The following CEP89 variants were observed in gnomAD, a reference collection of about 807,000 sequenced individuals.
The protein encoded by CEP89 is centrosomal protein 89.
CEP89 carries 95 observed loss-of-function variants against 97.6 expected under a neutral mutation model. The observed-to-expected ratio is 0.97, with a 90% confidence interval of 0.82 to 1.15. CEP89 has a LOEUF of 1.15. CEP89 is among the 50% of genes most tolerant of loss of function. The pLI is 0.00. For synonymous variants in CEP89, 354 were observed against 349.1 expected (o/e 1.01, Z -0.16); for missense variants, 869 against 947.7 (o/e 0.92, Z 1.09).
chr19:32,922,452 A>G (rs1970269273), intron 12 of CEP89, among the ~76,000 whole-genome samples: 1 of 152,148 alleles, frequency 6.6e-6, no homozygotes, highest in Non-Finnish European at 1.5e-5. Flanking sequence ...CTGAGGTGGG[A>G]GGATGGCTTT....
chr19:32,904,549 G>T (rs932872940), intron 14 of CEP89, among the ~76,000 whole-genome samples: 1 of 151,100 alleles, frequency 6.6e-6, no homozygotes, highest in Admixed American at 6.6e-5. Flanking sequence ...TTCTCATGAT[G>T]ATAGCCTATC....
At chr19:32,958,314 C>T (rs1015317841) in intron 3 of CEP89, among the ~76,000 whole-genome samples, 2 of 151,860 alleles carry the variant, frequency 1.3e-5, no homozygotes, top group Admixed American at 1.3e-4. Flanking sequence ...ACTAAATTTA[C>T]AATTATTACA....
chr19:32,903,072 T>A (rs895740608), intron 14 of CEP89, among the ~76,000 whole-genome samples: 1 of 152,026 alleles, frequency 6.6e-6, no homozygotes, highest in African/African-American at 2.4e-5. Flanking sequence ...CCACATGCGG[T>A]GGCTCACACC....
At position 32,936,605 on chromosome 19, in the gene CEP89, G is replaced by A. The variant is rs1354643366; in HGVS notation, c.667+1026C>T. Among the ~76,000 whole-genome samples, 1 of 152,134 alleles carries A rather than the reference G, an allele frequency of 6.6e-6. No homozygotes were observed. The highest frequency in any genetic ancestry group is 2.1e-4 in the South Asian group (1 of 4,830). ...CGGTGCGCACTTCCTCCCTTCTGAGGCCCATAAAAGCCCTGGGCTTAGTTG... is the reference window on the plus strand; with the variant it reads ...CGGTGCGCACTTCCTCCCTTCTGAGACCCATAAAAGCCCTGGGCTTAGTTG... On this transcript the variant is annotated intron_variant, in intron 7 of 18. Coordinates refer to ENST00000305768, the MANE Select transcript of CEP89 (RefSeq NM_032816.5). This position sits in a 1 kb window ranked among gnomAD's most constrained non-coding sequence, Gnocchi z 4.5.
At chr19:32,947,485 C>A (rs1285662467) in intron 5 of CEP89, among the ~76,000 whole-genome samples, 1 of 152,018 alleles carries the variant, frequency 6.6e-6, no homozygotes, top group Non-Finnish European at 1.5e-5. Context: ...CAATTGACTG[C>A]AGAATAACTT....
chr19:32,891,243 A>G (rs1291402458), intron 16 of CEP89, among the ~76,000 whole-genome samples: 1 of 152,152 alleles, frequency 6.6e-6, no homozygotes, highest in Non-Finnish European at 1.5e-5. Context: ...CAATGCCTCC[A>G]TTGCCAAAGC....
intron 5 of CEP89, 30 bp from the exon 6 acceptor site, chr19:32,939,915 T>C (rs2098150710): frequency 2.8e-6 from 3 of 1,059,180 alleles, no homozygotes; most frequent in Non-Finnish European, 4.3e-6. Flanking sequence ...AGAGATAAAC[T>C]TTTAAAGTAG....
chr19:32,948,279 C>G lies in CEP89; in HGVS notation c.582G>C (p.Arg194=). 8.2e-6 allele frequency: 13 copies of G among 1,593,974 alleles called. No homozygotes were observed. The highest frequency in any genetic ancestry group is 1.1e-5 in the Non-Finnish European group (13 of 1,167,930). ...GFPGSPPAPQ[R]TQQKDGKHPV... is the part of the protein sequence containing the mutation. ...TTTTTTTTCTACCTTTTTGTTGTGTCCGCTGTGGTGCAGGAGGGGAGCCTG... is the reference window on the plus strand; with the variant it reads ...TTTTTTTTCTACCTTTTTGTTGTGTGCGCTGTGGTGCAGGAGGGGAGCCTG... Residue 194 remains arginine, a synonymous_variant, in exon 5 of 19, where the codon CGG becomes CGC. Transcript: ENST00000305768.
At chr19:32,902,569 G>C (rs1018079730) in intron 14 of CEP89, among the ~76,000 whole-genome samples, 8 of 152,172 alleles carry the variant, frequency 5.3e-5, no homozygotes, top group Admixed American at 5.2e-4. Context: ...TCGGACTTTG[G>C]ACAACAGGCG....
Position 32,900,002 on chromosome 19 carries a change from G to T in CEP89, c.1734-4C>A, listed in dbSNP as rs772525877. On this transcript the variant is annotated splice_region_variant and splice_polypyrimidine_tract_variant and intron_variant, in intron 15 of 18. Coordinates refer to ENST00000305768, the MANE Select transcript of CEP89 (RefSeq NM_032816.5). The stretch of plus-strand genomic sequence containing the variant: ...CTCAATTTTCTTTTGAGATTTCCTA[G>T]AGAGTTACCCCAAATGGTAGAATAA... The T allele has an allele frequency of 6.2e-7, 1 of 1,613,906 alleles. No homozygotes were observed. Among genetic ancestry groups the T allele is most frequent in the Non-Finnish European group, 8.5e-7 (1 of 1,179,894 alleles).
At chr19:32,971,401 G>C in intron 1 of CEP89, 1 of 431,198 alleles carries the variant, frequency 2.3e-6, no homozygotes, top group South Asian at 7.0e-5. Flanking sequence ...TGTTAACGCC[G>C]GGCACAGTGG....
At chr19:32,884,386 C>CA (rs758165595) in intron 17 of CEP89, among the ~76,000 whole-genome samples, 23 of 151,902 alleles carry the variant, frequency 1.5e-4, no homozygotes, top group Non-Finnish European at 2.8e-4. Context: ...TGAGCCAATC[C>CA]AAAAAATATT....
intron 14 of CEP89, among the ~76,000 whole-genome samples, chr19:32,904,641 G>C (rs1249412333): frequency 2.0e-5 from 3 of 148,112 alleles, no homozygotes; most frequent in Non-Finnish European, 4.4e-5. Context: ...CACCAGGCTG[G>C]AATGCAGTGG....
chr19:32,900,949 G>T (rs899476057), intron 15 of CEP89, among the ~76,000 whole-genome samples: 1 of 147,702 alleles, frequency 6.8e-6, no homozygotes, highest in Non-Finnish European at 1.5e-5. Context: ...GCAGTGGCGT[G>T]ATCTCGGCTC....
intron 12 of CEP89, among the ~76,000 whole-genome samples, chr19:32,918,843 G>T (rs1970185126): frequency 6.6e-6 from 1 of 151,172 alleles, no homozygotes. Flanking sequence ...CTGTTAGCAG[G>T]CTTTGAAATG....
chr19:32,895,304 G>A (rs1000704699), intron 16 of CEP89, among the ~76,000 whole-genome samples: 25 of 152,158 alleles, frequency 1.6e-4, no homozygotes, highest in Admixed American at 1.3e-3. Flanking sequence ...GAGATGCAAA[G>A]ACAGTTCAAC....
At chr19:32,899,777 G>A in intron 16 of CEP89, 80 bp downstream of exon 16, 1 of 1,420,040 alleles carries the variant, frequency 7.0e-7, no homozygotes, top group Non-Finnish European at 9.8e-7. Flanking sequence ...GCTTTTAATA[G>A]ATCATTTTTT....
Position 32,945,876 on chromosome 19 carries a change from G to GT in CEP89, c.595+2389dup, listed in dbSNP as rs1970787218. ...TGGCTTCTCCTGGCCCCCTATCCCA[G>GT]TGAGTTTCATTAGGGCAGCCCCTCA... On this transcript the variant is annotated intron_variant, in intron 5 of 18. Coordinates refer to ENST00000305768, the MANE Select transcript of CEP89 (RefSeq NM_032816.5). 3.3e-5 allele frequency among the ~76,000 whole-genome samples: 5 copies of GT among 152,116 alleles called. No individual in the cohort carries two copies. In the South Asian group the frequency reaches 1.0e-3, roughly 31 times the overall value.
chr19:32,953,269 A>G (rs1970963783), intron 4 of CEP89, among the ~76,000 whole-genome samples: 1 of 151,618 alleles, frequency 6.6e-6, no homozygotes, highest in Non-Finnish European at 1.5e-5. Flanking sequence ...CTTCCCCGTC[A>G]GGCATGAATT....
Sources: gnomAD v4.1 joint callset for allele counts (sites outside exome capture counted in the v4.1 genomes callset) on GRCh38, gnomAD v4.1.1 for gene constraint, Gnocchi (gnomAD v3.1) non-coding constraint, MANE v1.5 for transcripts, NCBI Gene and HGNC (gene_info 2026-07-23, HGNC 2026-07-21) for gene names.